Variants in DCAF17 observed in about 807,000 individuals in gnomAD.
The protein encoded by DCAF17 is DDB1 and CUL4 associated factor 17.
A neutral mutation model predicts 66.0 loss-of-function variants in DCAF17; 48 were observed. The observed-to-expected ratio is 0.73, with a 90% CI of 0.58 to 0.92. The LOEUF is 0.92. Among genes scored for constraint, DCAF17 ranks in the 40% least tolerant of loss-of-function variants. DCAF17 has a pLI of 0.00. For synonymous variants in DCAF17, 206 were observed against 214.6 expected, an observed-to-expected ratio of 0.96 and a Z score of 0.35; for missense variants, 562 against 622.8, an observed-to-expected ratio of 0.90 and a Z score of 1.04.
chr2:171,436,382 A>G (rs1047712206), intron 2 of DCAF17, among the ~76,000 whole-genome samples: 4 of 152,220 alleles, frequency 2.6e-5, no homozygotes. Context: ...ACTGCGTTTA[A>G]TAGTTAGAAG....
chr2:171,469,346 A>G (rs1008410352), intron 9 of DCAF17, among the ~76,000 whole-genome samples: 1 of 152,200 alleles, frequency 6.6e-6, no homozygotes, highest in Admixed American at 6.5e-5. Context: ...ATGTGTTCAC[A>G]TTGCTTCTGA....
In DCAF17 at chr2:171,453,804, T is replaced by G. The variant is rs74562960; in HGVS notation, c.627+591T>G. On this transcript the variant is annotated intron_variant, in intron 6 of 13. Coordinates refer to ENST00000375255, the MANE Select transcript of DCAF17 (RefSeq NM_025000.4). ...TTATTCTTGGTGCATAGTTATTTAT[T>G]GAGCTCTCCTACTGGTCTTTAATTC... Among the ~76,000 whole-genome samples, 325 of 152,340 alleles carry G rather than the reference T, an allele frequency of 2.1e-3. 2 individuals carry two copies. The highest frequency in any genetic ancestry group is 6.8e-3 in the Middle Eastern group (2 of 294).
chr2:171,469,039 GT>G lies in DCAF17; in HGVS notation c.981+10del, dbSNP rs760680285. 2.5e-5 allele frequency: 41 copies of G among 1,613,816 alleles called. No individual in the cohort carries two copies. The highest frequency in any genetic ancestry group is 7.7e-5 in the South Asian group (7 of 91,088). ...TAAAAGACAATTCCCTGGTAAATGA[GT>G]GATCAGACTTTTTATTAGCAAATTT... On this transcript the variant is annotated intron_variant, in intron 9 of 13. Transcript: ENST00000375255.
intron 3 of DCAF17, among the ~76,000 whole-genome samples, chr2:171,448,169 T>A (rs1394246210): frequency 6.6e-6 from 1 of 152,042 alleles, no homozygotes; most frequent in Non-Finnish European, 1.5e-5. Flanking sequence ...TCTCACTCTG[T>A]CACCCAGGCT....
At chr2:171,457,950 A>G (rs371324447) in intron 6 of DCAF17, 21 bp from the exon 7 acceptor site, 38 of 1,581,922 alleles carry the variant, frequency 2.4e-5, no homozygotes, top group Admixed American at 5.0e-5. Flanking sequence ...CTCAGGTGAT[A>G]TCTGTCTTTC....
intron 11 of DCAF17, among the ~76,000 whole-genome samples, chr2:171,477,236 G>T (rs1696539555): frequency 6.6e-6 from 1 of 152,082 alleles, no homozygotes; most frequent in Non-Finnish European, 1.5e-5. Context: ...AATTAATTGT[G>T]CAAACTTAAA....
In DCAF17 at chr2:171,484,449, C is replaced by G. The variant is rs952725289; in HGVS notation, c.*3335C>G. 2.3e-6 allele frequency: 1 copy of G among 427,868 alleles called. No individual in the cohort carries two copies. The highest frequency in any genetic ancestry group is 4.6e-6 in the Non-Finnish European group (1 of 217,000). The allele number at this position is 427,868 out of a possible 1,614,324, so 26.5% of individuals were successfully genotyped here. The stretch of plus-strand genomic sequence containing the variant: ...GACCACGGGGATTCTACATCTTACT[C>G]TACTTGTTTTATTATTTTCCTATCC... On this transcript the variant is annotated 3_prime_UTR_variant, in exon 14 of 14. Transcript: ENST00000375255.
chr2:171,465,366 A>G (rs1374966001), intron 8 of DCAF17, among the ~76,000 whole-genome samples: 11 of 152,128 alleles, frequency 7.2e-5, no homozygotes. Flanking sequence ...AATTAGATTC[A>G]TTTGTTTCAT....
intron 8 of DCAF17, among the ~76,000 whole-genome samples, chr2:171,460,860 C>T (rs1695546836): frequency 6.6e-6 from 1 of 152,068 alleles, no homozygotes; most frequent in Non-Finnish European, 1.5e-5. Context: ...TATTTAACCT[C>T]TCTGGGCCTC....
chr2:171,436,418 G>T (rs1693957101), intron 2 of DCAF17, among the ~76,000 whole-genome samples: 1 of 152,276 alleles, frequency 6.6e-6, no homozygotes, highest in South Asian at 2.1e-4. Flanking sequence ...TTCTAAAGTG[G>T]TAGTACCATT....
At chr2:171,463,894 A>G (rs1695742771) in intron 8 of DCAF17, among the ~76,000 whole-genome samples, 1 of 152,180 alleles carries the variant, frequency 6.6e-6, no homozygotes, top group South Asian at 2.1e-4. Context: ...CTTCCCTTTA[A>G]TTATCAATAT....
intron 8 of DCAF17, among the ~76,000 whole-genome samples, chr2:171,466,251 T>G (rs1336698772): frequency 1.3e-5 from 2 of 152,220 alleles, no homozygotes; most frequent in Admixed American, 1.3e-4. Flanking sequence ...AAAATCATAT[T>G]GTATTACAGG....
At chr2:171,474,638 C>G (rs1696412416) in intron 10 of DCAF17, among the ~76,000 whole-genome samples, 1 of 152,140 alleles carries the variant, frequency 6.6e-6, no homozygotes, top group South Asian at 2.1e-4. Context: ...AATGTATATA[C>G]CAGCCTCAAC....
Position 171,453,182 on chromosome 2 carries a change from C to G in DCAF17, c.596C>G (p.Ser199Ter), listed in dbSNP as rs1695053610. 1 of 1,612,526 alleles carries G rather than the reference C, an allele frequency of 6.2e-7. No individual in the cohort carries two copies. The highest frequency in any genetic ancestry group is 8.5e-7 in the Non-Finnish European group (1 of 1,179,274). Reference protein sequence around the residue: ...YLAVFRVLPFSLVGILEINKK... With the variant: ...YLAVFRVLPF The stretch of plus-strand genomic sequence containing the variant: ...GCAGTGTTCCGAGTTCTACCTTTTT[C>G]ACTTGTAGGGATTCTAGAGATCAAC... Residue 199 changes from serine (S) to a stop codon, truncating the protein, a stop_gained, in exon 6 of 14, where the codon TCA becomes TGA. Coordinates refer to ENST00000375255, the MANE Select transcript of DCAF17 (RefSeq NM_025000.4). LOFTEE classifies it high-confidence loss of function.
intron 5 of DCAF17, among the ~76,000 whole-genome samples, chr2:171,452,234 G>C (rs1442794842): frequency 6.6e-6 from 1 of 152,138 alleles, no homozygotes; most frequent in East Asian, 1.9e-4. Flanking sequence ...GAGACTGGCT[G>C]TGATGGGGCA....
At chr2:171,478,555 G>A (rs1251637665) in intron 12 of DCAF17, among the ~76,000 whole-genome samples, 14 of 152,206 alleles carry the variant, frequency 9.2e-5, no homozygotes, top group Non-Finnish European at 2.9e-5. Flanking sequence ...ATGAGTCACT[G>A]AAGTAATACA....
chr2:171,453,285 TATGAG>T lies in DCAF17; in HGVS notation c.627+75_627+79del, dbSNP rs1439036980. On this transcript the variant is annotated intron_variant, in intron 6 of 13. Transcript: ENST00000375255. ...GTTGTAATGTCATTATTTAATTATT[TATGAG>T]ATATTTGATTGGAAATGCTCCCCTC... The T allele has an allele frequency of 2.6e-6, 3 of 1,166,292 alleles. No individual in the cohort carries two copies. In the African/African-American group the frequency reaches 4.6e-5, roughly 18 times the overall value. The allele number at this position is 1,166,292 out of a possible 1,614,324, so 72.2% of individuals were successfully genotyped here.
chr2:171,434,374 C>T lies in DCAF17; in HGVS notation c.-204C>T, dbSNP rs147113116. ...AAAGGGAGTGCTTCTTCCCTTCTCT[C>T]CGCGCTCTGGCGGTGCAAGCGGCTC... On this transcript the variant is annotated 5_prime_UTR_variant, in exon 1 of 14. Transcript: ENST00000375255. 7.9e-4 allele frequency: 691 copies of T among 878,700 alleles called. 2 individuals carry two copies. In the African/African-American group the frequency reaches 9.3e-3, roughly 12 times the overall value. 54.4% of individuals were successfully genotyped at this position (878,700 alleles called of 1,614,324 possible).
In DCAF17 at chr2:171,483,792, G is replaced by A. The variant is rs1235355781; in HGVS notation, c.*2678G>A. On this transcript the variant is annotated 3_prime_UTR_variant, in exon 14 of 14. Coordinates refer to ENST00000375255, the MANE Select transcript of DCAF17 (RefSeq NM_025000.4). ...CATTATCTTTCCCCTTTGTACAAAT[G>A]AGGAAAGTGAGGCTCACAGAAGTTA... 2.2e-6 allele frequency: 1 copy of A among 454,016 alleles called. No individual in the cohort carries two copies. Among genetic ancestry groups the A allele is most frequent in the Non-Finnish European group, 4.4e-6 (1 of 226,792 alleles). 28.1% of individuals were successfully genotyped at this position (454,016 alleles called of 1,614,324 possible). A position where few individuals can be genotyped will look rare whatever the true frequency, so the allele number is the denominator to read the frequency against.
Sources: allele counts gnomAD v4.1 joint callset (sites outside exome capture counted in the v4.1 genomes callset), GRCh38; gene constraint gnomAD v4.1.1; transcripts MANE v1.5; gene names NCBI Gene and HGNC (gene_info 2026-07-23, HGNC 2026-07-21).